Variants in DAB1 observed in about 807,000 individuals in gnomAD.
DAB1 encodes DAB adaptor protein 1.
In DAB1, 15 loss-of-function variants were observed where a neutral mutation model predicts 64.6. The ratio of observed to expected loss-of-function variants is 0.23; its 90% CI spans 0.16 to 0.36. The LOEUF is 0.36. DAB1 is among the 10% of genes least tolerant of loss of function. The pLI, the probability that DAB1 is intolerant of heterozygous loss-of-function variation, is 1.00. For synonymous variants in DAB1, 235 were observed against 251.9 expected (o/e 0.93, Z 0.64); for missense variants, 596 against 706.7 (o/e 0.84, Z 1.78).
chr1:57,743,431 A>T (rs1648098512), intron 6 of DAB1, among the ~76,000 whole-genome samples: 2 of 152,336 alleles, frequency 1.3e-5, no homozygotes. Flanking sequence ...AACCTATAAG[A>T]ACTAATGATA....
At chr1:57,350,249 G>A (rs1239825478) in intron 1 of DAB1, among the ~76,000 whole-genome samples, 1 of 152,074 alleles carries the variant, frequency 6.6e-6, no homozygotes, top group Non-Finnish European at 1.5e-5. Flanking sequence ...TTAAAAATGA[G>A]GACACTGATA....
intron 1 of DAB1, among the ~76,000 whole-genome samples, chr1:57,367,049 A>AAAATG (rs1680067054): frequency 9.7e-5 from 1 of 10,318 alleles, no homozygotes. Context: ...TCCACAAAAT[A>AAAATG]AAATAAAATA....
chr1:57,430,548 T>G (rs1303407348), intron 7 of DAB1, among the ~76,000 whole-genome samples: 1 of 152,048 alleles, frequency 6.6e-6, no homozygotes, highest in African/African-American at 2.4e-5. Context: ...GCTAATTTTT[T>G]TTGTATTTTT....
chr1:57,265,671 G>T (rs1246230236), intron 2 of DAB1, among the ~76,000 whole-genome samples: 5 of 152,096 alleles, frequency 3.3e-5, no homozygotes, highest in Non-Finnish European at 1.5e-5. Flanking sequence ...GATTAATTTT[G>T]TGCAAAGTTT....
intron 2 of DAB1, among the ~76,000 whole-genome samples, chr1:57,208,209 G>A (rs1665743755): frequency 6.6e-6 from 1 of 151,748 alleles, no homozygotes. Context: ...AAGGGTGAGG[G>A]AGTTGGGGTA....
intron 2 of DAB1, among the ~76,000 whole-genome samples, chr1:57,193,480 G>A (rs1196862600): frequency 3.8e-5 from 5 of 131,312 alleles, no homozygotes; most frequent in Non-Finnish European, 6.2e-5. Context: ...TCCACCTCCC[G>A]GGTTCACGCC....
chr1:58,293,514 AAAG>A (rs778426040), intron 4 of DAB1, among the ~76,000 whole-genome samples: 2 of 152,206 alleles, frequency 1.3e-5, no homozygotes, highest in Non-Finnish European at 2.9e-5. Flanking sequence ...GAGTATAAAT[AAAG>A]CCCGCACAGC....
At chr1:58,034,984 T>C (rs557723396) in intron 5 of DAB1, among the ~76,000 whole-genome samples, 49 of 152,288 alleles carry the variant, frequency 3.2e-4, no homozygotes, top group African/African-American at 1.1e-3. Flanking sequence ...TTTTGACCAA[T>C]AGAATGTAGC....
At chr1:57,527,759 G>A (rs1524727) in intron 7 of DAB1, among the ~76,000 whole-genome samples, 16 of 151,932 alleles carry the variant, frequency 1.1e-4, no homozygotes, top group African/African-American at 3.9e-4. Flanking sequence ...TTAAGATAGG[G>A]TCAGGGAGTT....
intron 4 of DAB1, among the ~76,000 whole-genome samples, chr1:58,227,448 G>A (rs1294860411): frequency 1.3e-5 from 2 of 152,192 alleles, no homozygotes; most frequent in African/African-American, 4.8e-5. Flanking sequence ...GATTCAAGTA[G>A]CAAAGGGGAG....
At chr1:57,608,770 A>T (rs1645691116) in intron 7 of DAB1, among the ~76,000 whole-genome samples, 2 of 152,132 alleles carry the variant, frequency 1.3e-5, no homozygotes, top group South Asian at 4.1e-4. Context: ...CCAAGTTTCT[A>T]TATTAAATCT....
chr1:57,665,052 C>T (rs575923271), intron 6 of DAB1, among the ~76,000 whole-genome samples: 30 of 152,052 alleles, frequency 2.0e-4, no homozygotes, highest in African/African-American at 5.8e-4. Context: ...TTAAAACCTA[C>T]GCCATAAACA....
intron 7 of DAB1, among the ~76,000 whole-genome samples, chr1:57,601,211 T>G (rs1298361487): frequency 6.6e-6 from 1 of 152,188 alleles, no homozygotes; most frequent in Non-Finnish European, 1.5e-5. Flanking sequence ...CTCCACAGAC[T>G]GCCTTTCCAG....
intron 6 of DAB1, among the ~76,000 whole-genome samples, chr1:57,674,883 G>GT (rs769304118): frequency 1.1e-4 from 17 of 152,300 alleles, no homozygotes; most frequent in Middle Eastern, 6.8e-3. Flanking sequence ...GGTGGCCACA[G>GT]TAACAATCAG....
intron 6 of DAB1, among the ~76,000 whole-genome samples, chr1:57,794,599 T>G (rs1278113378): frequency 6.6e-6 from 1 of 152,220 alleles, no homozygotes; most frequent in African/African-American, 2.4e-5. Flanking sequence ...CATGCCTCCA[T>G]TGTACCTAAG....
chr1:58,067,508 C>T (rs1180820017), intron 5 of DAB1, among the ~76,000 whole-genome samples: 1 of 152,114 alleles, frequency 6.6e-6, no homozygotes, highest in Non-Finnish European at 1.5e-5. Context: ...AACTAGCAGC[C>T]CATCAGTAAT....
At chr1:58,332,276 T>C (rs1003430557) in intron 4 of DAB1, among the ~76,000 whole-genome samples, 13 of 152,178 alleles carry the variant, frequency 8.5e-5, no homozygotes, top group Non-Finnish European at 1.3e-4. Flanking sequence ...TTGTGTTCCT[T>C]GTTCCCATCT....
chr1:58,375,998 A>G (rs996594361), intron 3 of DAB1, among the ~76,000 whole-genome samples: 1 of 149,964 alleles, frequency 6.7e-6, no homozygotes, highest in Non-Finnish European at 1.5e-5. Context: ...CTCTGATGGT[A>G]GTTTGTATTT....
intron 9 of DAB1, among the ~76,000 whole-genome samples, chr1:57,053,773 C>T (rs1161088589): frequency 2.0e-5 from 3 of 149,200 alleles, no homozygotes; most frequent in Admixed American, 6.7e-5. Context: ...CTGAAACCTC[C>T]GCTTCCTGGG....
Sources: gnomAD v4.1 joint callset for allele counts (sites outside exome capture counted in the v4.1 genomes callset) on GRCh38, gnomAD v4.1.1 for gene constraint, MANE v1.5 for transcripts, NCBI Gene and HGNC (gene_info 2026-07-23, HGNC 2026-07-21) for gene names.